Variants in OSBPL8 observed in about 807,000 individuals in gnomAD.
The protein encoded by OSBPL8 is oxysterol-binding protein-related protein 8.
Under a neutral mutation model 125.5 loss-of-function variants are expected in OSBPL8, and 59 were observed. That is an observed-to-expected ratio of 0.47 (90% CI 0.38 to 0.58). The LOEUF is 0.58. OSBPL8 is among the 20% of genes least tolerant of loss of function. The pLI is 0.00. For synonymous variants in OSBPL8, 330 were observed against 338.9 expected (o/e 0.97, Z 0.29); for missense variants, 758 against 1,047.8 (o/e 0.72, Z 3.82).
chr12:76,551,239 T>C (rs562391868), intron 1 of OSBPL8, among the ~76,000 whole-genome samples: 26 of 152,330 alleles, frequency 1.7e-4, no homozygotes, highest in African/African-American at 5.8e-4. Flanking sequence ...TTAAGGATAA[T>C]AGTTTCTTTC....
At chr12:76,373,973 G>A (rs1351389577) in intron 17 of OSBPL8, among the ~76,000 whole-genome samples, 4 of 152,032 alleles carry the variant, frequency 2.6e-5, no homozygotes, top group Non-Finnish European at 4.4e-5. Context: ...ATGCTCCAAT[G>A]TCATACTTAA....
At chr12:76,541,759 G>A (rs1592887242) in intron 1 of OSBPL8, among the ~76,000 whole-genome samples, 1 of 151,986 alleles carries the variant, frequency 6.6e-6, no homozygotes, top group African/African-American at 2.4e-5. Flanking sequence ...AGAGGCTGAG[G>A]CAGGGAGAAT....
intron 4 of OSBPL8, among the ~76,000 whole-genome samples, chr12:76,441,999 T>C (rs1337117610): frequency 1.3e-5 from 2 of 152,224 alleles, no homozygotes; most frequent in South Asian, 2.1e-4. Context: ...ATATTTTCCA[T>C]GATGTGATTA....
At chr12:76,557,140 T>A (rs905316574) in intron 1 of OSBPL8, among the ~76,000 whole-genome samples, 2 of 152,232 alleles carry the variant, frequency 1.3e-5, no homozygotes, top group Admixed American at 1.3e-4. Context: ...CAGGCATTGT[T>A]ATTAGGATAA....
intron 1 of OSBPL8, among the ~76,000 whole-genome samples, chr12:76,556,469 A>AAAAT (rs1555244868): frequency 6.6e-6 from 1 of 151,420 alleles, no homozygotes; most frequent in Non-Finnish European, 1.5e-5. Context: ...GGTGGGAAGA[A>AAAAT]AGATCTAAAA....
chr12:76,481,433 C>T (rs555711739), intron 2 of OSBPL8, among the ~76,000 whole-genome samples: 2 of 151,968 alleles, frequency 1.3e-5, no homozygotes, highest in East Asian at 1.9e-4. Flanking sequence ...TTGTTACAGC[C>T]TGGGAAACAT....
At chr12:76,424,192 G>A (rs1869861452) in intron 4 of OSBPL8, among the ~76,000 whole-genome samples, 1 of 151,934 alleles carries the variant, frequency 6.6e-6, no homozygotes, top group South Asian at 2.1e-4. Flanking sequence ...GTAGAGATGG[G>A]GTTTCGCCAT....
intron 21 of OSBPL8, among the ~76,000 whole-genome samples, chr12:76,363,493 T>C (rs912899612): frequency 2.0e-5 from 3 of 152,130 alleles, no homozygotes; most frequent in African/African-American, 7.2e-5. Flanking sequence ...TCCTTACACC[T>C]TATACAAAAA....
intron 1 of OSBPL8, among the ~76,000 whole-genome samples, chr12:76,556,634 T>G (rs542178725): frequency 2.6e-5 from 4 of 152,196 alleles, no homozygotes; most frequent in Non-Finnish European, 5.9e-5. Context: ...CCACCTTCAC[T>G]AAAAATTGTA....
chr12:76,413,578 A>G lies in OSBPL8; in HGVS notation c.218-2944T>C, dbSNP rs745935364. On this transcript the variant is annotated intron_variant, in intron 4 of 23. Coordinates refer to ENST00000261183, the MANE Select transcript of OSBPL8 (RefSeq NM_020841.5). ...ACTTAAACTTTATACCAAACTATGCAAAAGTTCTCTTTTCTCCATAACCGT... is the reference window on the plus strand; with the variant it reads ...ACTTAAACTTTATACCAAACTATGCGAAAGTTCTCTTTTCTCCATAACCGT... Among the ~76,000 whole-genome samples the G allele has an allele frequency of 9.8e-5, 15 of 152,328 alleles. No homozygotes were observed. The South Asian group carries it at 2.1e-3, about 21-fold the overall frequency.
intron 1 of OSBPL8, among the ~76,000 whole-genome samples, chr12:76,501,310 G>A (rs1038029956): frequency 1.3e-5 from 2 of 152,070 alleles, no homozygotes; most frequent in African/African-American, 2.4e-5. Context: ...TAAGCTGGGG[G>A]TCAGCAAACT....
At chr12:76,413,439 CCT>C (rs1239235910) in intron 4 of OSBPL8, among the ~76,000 whole-genome samples, 1 of 152,124 alleles carries the variant, frequency 6.6e-6, no homozygotes, top group Non-Finnish European at 1.5e-5. Flanking sequence ...CTAATTTTCC[CCT>C]GTTGAACAAT....
chr12:76,367,242 G>GTGTGTA (rs1952454461), intron 21 of OSBPL8, among the ~76,000 whole-genome samples: 1 of 151,878 alleles, frequency 6.6e-6, no homozygotes, highest in Admixed American at 6.6e-5. Context: ...GTGTGTGTGT[G>GTGTGTA]TGTGTGTGTG....
rs555883023 is a variant in OSBPL8, at chr12:76,399,092, T to C, written c.468+781A>G. Among the ~76,000 whole-genome samples, 10 of 152,234 alleles carry C rather than the reference T, an allele frequency of 6.6e-5. No homozygotes were observed. The South Asian group carries it at 8.3e-4, about 13-fold the overall frequency. On this transcript the variant is annotated intron_variant, in intron 7 of 23. Transcript: ENST00000261183. ...GTTGGAAGGTGTTATTAGCACAAGA[T>C]CGAAAACCCTAGAATTAGTTAACTG...
chr12:76,466,323 A>T (rs1336750359), intron 2 of OSBPL8, among the ~76,000 whole-genome samples: 1 of 152,172 alleles, frequency 6.6e-6, no homozygotes, highest in East Asian at 1.9e-4. Flanking sequence ...ACACTAGCTT[A>T]TTTCTTATTA....
intron 12 of OSBPL8, 66 bp downstream of exon 12, chr12:76,389,579 T>C: frequency 8.0e-7 from 1 of 1,249,324 alleles, no homozygotes; most frequent in South Asian, 2.0e-5. Flanking sequence ...TAATTGAAAA[T>C]AGCATTCTTG....
At chr12:76,533,719 A>G (rs1950414739) in intron 1 of OSBPL8, among the ~76,000 whole-genome samples, 2 of 152,228 alleles carry the variant, frequency 1.3e-5, no homozygotes, top group African/African-American at 4.8e-5. Flanking sequence ...GCTGTTATCA[A>G]GTGCAAAGCT....
In OSBPL8 at chr12:76,452,475, G is replaced by A. The variant is rs1312794648; in HGVS notation, c.80-1487C>T. 5.3e-5 allele frequency among the ~76,000 whole-genome samples: 8 copies of A among 152,154 alleles called. No homozygotes were observed. In the South Asian group the frequency reaches 1.7e-3, roughly 32 times the overall value. Reference sequence around the variant, plus strand: ...CAGGCATCTCAAATTTATCTAGAATGTAATTTTTGATTCTGCTCATCCTTC... The same window carrying A: ...CAGGCATCTCAAATTTATCTAGAATATAATTTTTGATTCTGCTCATCCTTC... On this transcript the variant is annotated intron_variant, in intron 3 of 23. Coordinates refer to ENST00000261183, the MANE Select transcript of OSBPL8 (RefSeq NM_020841.5).
chr12:76,520,922 C>T (rs1815051388), intron 1 of OSBPL8, among the ~76,000 whole-genome samples: 1 of 152,184 alleles, frequency 6.6e-6, no homozygotes, highest in African/African-American at 2.4e-5. Context: ...TCCCATGATG[C>T]TCTAAAGTAC....
Sources: gnomAD v4.1 joint callset for allele counts (sites outside exome capture counted in the v4.1 genomes callset) on GRCh38, gnomAD v4.1.1 for gene constraint, MANE v1.5 for transcripts, NCBI Gene and HGNC (gene_info 2026-07-23, HGNC 2026-07-21) for gene names.